The following PTPRT variants were observed in gnomAD, a reference collection of about 807,000 sequenced individuals.
PTPRT encodes the protein receptor-type tyrosine-protein phosphatase T.
PTPRT carries 56 observed loss-of-function variants against 176.8 expected under a neutral mutation model. That is an observed-to-expected ratio of 0.32 (90% CI 0.26 to 0.40). PTPRT has a LOEUF of 0.40. PTPRT is among the 10% of genes least tolerant of loss of function. The pLI, the probability that PTPRT is intolerant of heterozygous loss-of-function variation, is 1.00. For missense variants in PTPRT, 1,540 were observed against 1,908.2 expected, an observed-to-expected ratio of 0.81 and a Z score of 3.60; for synonymous variants, 783 against 739.0, an observed-to-expected ratio of 1.06 and a Z score of -0.96.
At chr20:42,831,150 A>T (rs1157974805) in intron 2 of PTPRT, among the ~76,000 whole-genome samples, 1 of 152,224 alleles carries the variant, frequency 6.6e-6, no homozygotes, top group Non-Finnish European at 1.5e-5. Context: ...TACAGTAAAT[A>T]AAACAGCACG....
At chr20:42,033,749 T>A in the PTPRT span, among the ~76,000 whole-genome samples, 1 of 152,136 alleles carries the variant, frequency 6.6e-6, no homozygotes, top group Non-Finnish European at 1.5e-5. Flanking sequence ...TCACAAGGCA[T>A]GGTATGAATT....
intron 1 of PTPRT, among the ~76,000 whole-genome samples, chr20:43,164,556 G>A (rs1199526541): frequency 6.6e-6 from 1 of 152,162 alleles, no homozygotes; most frequent in Non-Finnish European, 1.5e-5. Context: ...GGTCTTGAGG[G>A]AGACAGAGGT....
chr20:43,165,635 A>G (rs2014838986), intron 1 of PTPRT, among the ~76,000 whole-genome samples: 1 of 152,234 alleles, frequency 6.6e-6, no homozygotes, highest in Admixed American at 6.5e-5. Flanking sequence ...AGACTAACAC[A>G]TAAGTGAATG....
intron 1 of PTPRT, among the ~76,000 whole-genome samples, chr20:43,016,968 T>A (rs1241170764): frequency 6.6e-6 from 1 of 152,136 alleles, no homozygotes; most frequent in Non-Finnish European, 1.5e-5. Flanking sequence ...AGGGTGAGGT[T>A]GGGGTGGTAC....
chr20:42,194,288 C>G (rs1467864645), intron 16 of PTPRT, among the ~76,000 whole-genome samples: 1 of 152,216 alleles, frequency 6.6e-6, no homozygotes, highest in Non-Finnish European at 1.5e-5. Flanking sequence ...ATCCCAGCTC[C>G]AAGGTGACAC....
chr20:42,045,916 C>T, the PTPRT span, among the ~76,000 whole-genome samples: 6 of 152,210 alleles, frequency 3.9e-5, no homozygotes, highest in African/African-American at 1.2e-4. Context: ...CCTCTAGTTA[C>T]ATGCTCAGTC....
intron 6 of PTPRT, 70 bp from the exon 7 acceptor site, chr20:42,678,229 C>A (rs541296657): frequency 2.8e-6 from 4 of 1,431,472 alleles, no homozygotes; most frequent in East Asian, 2.3e-5. Context: ...AAGCACATGA[C>A]GACAAGGGAC....
At chr20:42,850,586 AG>A (rs2078451678) in intron 2 of PTPRT, among the ~76,000 whole-genome samples, 1 of 152,198 alleles carries the variant, frequency 6.6e-6, no homozygotes, top group Admixed American at 6.6e-5. Context: ...AGTGGTAGGC[AG>A]TCAGTCCTTT....
chr20:42,374,860 A>T (rs948056744), intron 9 of PTPRT, among the ~76,000 whole-genome samples: 1 of 152,206 alleles, frequency 6.6e-6, no homozygotes, highest in Non-Finnish European at 1.5e-5. Flanking sequence ...GCTTCTTACA[A>T]GAAGTTAGTA....
At chr20:42,695,030 G>A (rs555827543) in intron 6 of PTPRT, among the ~76,000 whole-genome samples, 4 of 152,270 alleles carry the variant, frequency 2.6e-5, no homozygotes, top group South Asian at 4.1e-4. Flanking sequence ...TTGGGAGGCC[G>A]AGGCGGGAGG....
intron 1 of PTPRT, among the ~76,000 whole-genome samples, chr20:43,073,288 T>C (rs2011205584): frequency 6.6e-6 from 1 of 152,184 alleles, no homozygotes; most frequent in Admixed American, 6.5e-5. Flanking sequence ...TATGTGTACA[T>C]GTTTTCCCAT....
intron 2 of PTPRT, among the ~76,000 whole-genome samples, chr20:42,818,890 T>C (rs1007621125): frequency 2.6e-5 from 4 of 151,954 alleles, no homozygotes; most frequent in Non-Finnish European, 4.4e-5. Context: ...CTCCAAGAAA[T>C]ACAGGGCTTC....
intron 1 of PTPRT, among the ~76,000 whole-genome samples, chr20:42,989,468 T>C (rs375507503): frequency 6.6e-6 from 1 of 152,192 alleles, no homozygotes; most frequent in African/African-American, 2.4e-5. Context: ...GCTGGTGCCC[T>C]TCCTGGGTCA....
intron 7 of PTPRT, among the ~76,000 whole-genome samples, chr20:42,634,394 T>C (rs938945933): frequency 6.6e-5 from 10 of 151,094 alleles, no homozygotes; most frequent in African/African-American, 2.4e-4. Flanking sequence ...GACAGAGCTA[T>C]AAGATGAAAG....
intron 11 of PTPRT, among the ~76,000 whole-genome samples, chr20:42,340,043 C>T (rs972294922): frequency 6.6e-6 from 1 of 152,132 alleles, no homozygotes; most frequent in African/African-American, 2.4e-5. Context: ...TTCTTAGGGT[C>T]TAGAGCAATG....
At chr20:42,208,850 A>C (rs1039188956) in intron 15 of PTPRT, among the ~76,000 whole-genome samples, 10 of 152,318 alleles carry the variant, frequency 6.6e-5, no homozygotes, top group African/African-American at 2.2e-4. Flanking sequence ...CATTTTTTTC[A>C]GCACCACACC....
intron 6 of PTPRT, among the ~76,000 whole-genome samples, chr20:42,705,659 C>G (rs2076042952): frequency 6.6e-6 from 1 of 152,096 alleles, no homozygotes; most frequent in Admixed American, 6.5e-5. Context: ...CACTTGTCAC[C>G]TGCACAATGC....
chr20:42,770,766 C>G (rs2077050933), intron 5 of PTPRT, among the ~76,000 whole-genome samples: 1 of 152,182 alleles, frequency 6.6e-6, no homozygotes, highest in Non-Finnish European at 1.5e-5. Flanking sequence ...CCATTTGCCT[C>G]AGCCCTAGTA....
intron 7 of PTPRT, among the ~76,000 whole-genome samples, chr20:42,497,216 C>G (rs970444782): frequency 1.3e-5 from 2 of 152,180 alleles, no homozygotes; most frequent in Non-Finnish European, 2.9e-5. Flanking sequence ...TGCATTTGCA[C>G]AGAATCATAG....
Sources: allele counts gnomAD v4.1 joint callset (sites outside exome capture counted in the v4.1 genomes callset), GRCh38; gene constraint gnomAD v4.1.1; transcripts MANE v1.5; gene names NCBI Gene and HGNC (gene_info 2026-07-23, HGNC 2026-07-21).